CSMD1: variants seen among roughly 807,000 people sequenced by gnomAD.
CSMD1 encodes the protein CUB and Sushi multiple domains 1, also known as CUB and sushi domain-containing protein 1.
In CSMD1, 213 loss-of-function variants were observed where a neutral mutation model predicts 417.5. The ratio of observed to expected loss-of-function variants is 0.51; its 90% confidence interval spans 0.46 to 0.57. The LOEUF (loss-of-function observed/expected upper bound fraction) is 0.57. CSMD1 is among the 20% of genes least tolerant of loss of function. The pLI, the probability that CSMD1 is intolerant of heterozygous loss-of-function variation, is 0.00. For synonymous variants in CSMD1, 2,862 were observed against 1,736.8 expected (o/e 1.65, Z -16.11); for missense variants, 6,923 against 4,529.7 (o/e 1.53, Z -15.17).
chr8:3,508,671 G>C (rs1796936663), intron 10 of CSMD1, among the ~76,000 whole-genome samples: 1 of 152,000 alleles, frequency 6.6e-6, no homozygotes, highest in Non-Finnish European at 1.5e-5. Flanking sequence ...TGTACTTCCA[G>C]CTTATCTATT....
Position 4,620,631 on chromosome 8 carries a change from G to C in CSMD1, c.302+16711C>G, listed in dbSNP as rs114823645. On this transcript the variant is annotated intron_variant, in intron 2 of 69. Transcript: ENST00000635120. ...GACTGCTTGAAAAGCCCAAATATAT[G>C]AAATCATACAACATGCTTCTTAAAA... 7.9e-3 allele frequency among the ~76,000 whole-genome samples: 1,192 copies of C among 151,822 alleles called. 17 individuals are homozygous for C. Among genetic ancestry groups the C allele is most frequent in the African/African-American group, 0.028 (1,154 of 41,488 alleles).
chr8:3,080,551 C>A (rs1351660346), intron 49 of CSMD1, among the ~76,000 whole-genome samples: 1 of 152,186 alleles, frequency 6.6e-6, no homozygotes, highest in African/African-American at 2.4e-5. Context: ...TTTGCTGAAT[C>A]CAGAAGCTAA....
At chr8:3,970,153 G>A (rs888604371) in intron 5 of CSMD1, among the ~76,000 whole-genome samples, 7 of 152,082 alleles carry the variant, frequency 4.6e-5, no homozygotes, top group African/African-American at 1.7e-4. Flanking sequence ...ATCATTTTAT[G>A]TGACATTTGG....
Position 3,162,205 on chromosome 8 carries a change from A to C in CSMD1, c.5798T>G (p.Val1933Gly). Residue 1933 changes from valine (V) to glycine (G), a missense_variant, in exon 38 of 70, where the codon GTG becomes GGG. Val to Gly is a moderately radical substitution (Grantham distance 109). Transcript: ENST00000635120. Reference sequence around the variant, plus strand: ...GCACTGGAAGGAGAGCACGTCGTTCACCATGTACCGATCTCCGATTTTGAT... The same window carrying C: ...GCACTGGAAGGAGAGCACGTCGTTCCCCATGTACCGATCTCCGATTTTGAT... The part of the protein sequence containing the change: ...NSIKIGDRYM[V>G]NDVLSFQCEP... 1 of 1,611,334 alleles carries C rather than the reference A, an allele frequency of 6.2e-7. No individual in the cohort carries two copies. The highest frequency in any genetic ancestry group is 8.5e-7 in the Non-Finnish European group (1 of 1,178,874).
In CSMD1 at chr8:3,350,727, A is replaced by G. The variant is rs926002715; in HGVS notation, c.3305-2566T>C. ...GACATTAGCTATATAATCATTTCTC[A>G]TAATACATAAAAAAGGTGGGACAAG... On this transcript the variant is annotated intron_variant, in intron 21 of 69. Coordinates refer to ENST00000635120, the MANE Select transcript of CSMD1 (RefSeq NM_033225.6). Among the ~76,000 whole-genome samples, 7 of 152,326 alleles carry G rather than the reference A, an allele frequency of 4.6e-5. No homozygotes were observed. In the East Asian group the frequency reaches 1.3e-3, roughly 29 times the overall value.
intron 33 of CSMD1, among the ~76,000 whole-genome samples, chr8:3,191,349 G>C (rs948494880): frequency 6.6e-6 from 1 of 152,102 alleles, no homozygotes; most frequent in Non-Finnish European, 1.5e-5. Flanking sequence ...CCAGCTGCTC[G>C]GGAGTCTGAG....
chr8:2,960,041 G>T (rs138493357), intron 62 of CSMD1, among the ~76,000 whole-genome samples: 2 of 152,166 alleles, frequency 1.3e-5, no homozygotes, highest in South Asian at 4.1e-4. Flanking sequence ...AGTCATCATT[G>T]ACTTTTAATT....
At chr8:4,459,105 T>A (rs887140432) in intron 2 of CSMD1, among the ~76,000 whole-genome samples, 6 of 152,166 alleles carry the variant, frequency 3.9e-5, no homozygotes, top group African/African-American at 1.4e-4. Flanking sequence ...AGGGTACGCT[T>A]CTAACCAGGA....
intron 51 of CSMD1, among the ~76,000 whole-genome samples, chr8:3,028,523 T>G: frequency 6.6e-6 from 1 of 152,218 alleles, no homozygotes; most frequent in East Asian, 1.9e-4. Context: ...ATGAAAGCTT[T>G]GAGCTCCCTG....
At chr8:3,701,758 C>A (rs1800884495) in intron 7 of CSMD1, among the ~76,000 whole-genome samples, 1 of 152,098 alleles carries the variant, frequency 6.6e-6, no homozygotes, top group Non-Finnish European at 1.5e-5. Flanking sequence ...TAAGTATATA[C>A]AGTAATTGAG....
At position 3,493,720 on chromosome 8, in the gene CSMD1, T is replaced by C. The variant is rs1796234663; in HGVS notation, c.1351A>G (p.Lys451Glu). The change falls in exon 11 of 70, where the codon AAG becomes GAG. Residue 451 changes from lysine to glutamate, a missense_variant. Coordinates refer to ENST00000635120, the MANE Select transcript of CSMD1 (RefSeq NM_033225.6). ...AGCTCAAACTCTTCAAAGGCAAGCT[T>C]GATGACCTAAATACAAGGTACGAAA... ...ITTTDPDKVI[K>E]LAFEEFELER... is the part of the protein sequence containing the mutation. 1 of 1,609,438 alleles carries C rather than the reference T, an allele frequency of 6.2e-7. No individual in the cohort carries two copies. The highest frequency in any genetic ancestry group is 1.3e-5 in the African/African-American group (1 of 74,896).
At chr8:3,284,481 A>G (rs1335836550) in intron 25 of CSMD1, 135 bp from the exon 26 acceptor site, 4 of 663,244 alleles carry the variant, frequency 6.0e-6, no homozygotes, top group Admixed American at 2.4e-5. Context: ...CTGTCTGACA[A>G]TGAAGGATGA....
intron 1 of CSMD1, among the ~76,000 whole-genome samples, chr8:4,809,609 C>G (rs562630274): frequency 6.6e-6 from 1 of 152,280 alleles, no homozygotes; most frequent in South Asian, 2.1e-4. Flanking sequence ...AAGCTGTGCT[C>G]TCCAGTAGAA....
rs1490145321 is a variant in CSMD1 at position 4,912,136 on chromosome 8, A to AG, written c.85+82195_85+82196insC. On this transcript the variant is annotated intron_variant, in intron 1 of 69. Coordinates refer to ENST00000635120, the MANE Select transcript of CSMD1 (RefSeq NM_033225.6). ...CAACATAGCTTCAAAAAAAAAAAAA[A>AG]AAAAAGAAAGAAAGAAAAGAAAAGA... Among the ~76,000 whole-genome samples, 691 of 88,250 alleles carry AG rather than the reference A, an allele frequency of 7.8e-3. 2 individuals carry two copies. The highest frequency in any genetic ancestry group is 0.015 in the Non-Finnish European group (502 of 34,498). 57.9% of individuals were successfully genotyped at this position (88,250 alleles called of 152,430 possible). A position where few individuals can be genotyped will look rare whatever the true frequency, so the allele number is the denominator to read the frequency against.
intron 7 of CSMD1, among the ~76,000 whole-genome samples, chr8:3,678,720 C>A (rs191432818): frequency 2.6e-5 from 4 of 152,042 alleles, no homozygotes; most frequent in Non-Finnish European, 5.9e-5. Flanking sequence ...AGAGCAACTC[C>A]AAGACACATA....
chr8:3,481,983 G>T (rs530163908), intron 11 of CSMD1, among the ~76,000 whole-genome samples: 1 of 152,260 alleles, frequency 6.6e-6, no homozygotes, highest in East Asian at 1.9e-4. Context: ...ACTGTTATAA[G>T]TCACATATGT....
At chr8:4,488,304 G>A (rs947977990) in intron 2 of CSMD1, among the ~76,000 whole-genome samples, 6 of 152,166 alleles carry the variant, frequency 3.9e-5, no homozygotes, top group Non-Finnish European at 7.4e-5. Flanking sequence ...TATAACCACA[G>A]GAGTAGTTAA....
Position 4,814,620 on chromosome 8 carries a change from T to A in CSMD1, c.86-177062A>T, listed in dbSNP as rs1337716451. ...TAATAAAGCTATATTTTAATTAGTA[T>A]TGATCAAGGGTCTTCATGTGCTGTA... On this transcript the variant is annotated intron_variant, in intron 1 of 69. Transcript: ENST00000635120. Among the ~76,000 whole-genome samples the A allele has an allele frequency of 3.9e-5, 6 of 152,288 alleles. No homozygotes were observed. The East Asian group carries it at 5.8e-4, about 15-fold the overall frequency.
chr8:3,124,150 G>T (rs368153462), intron 41 of CSMD1, among the ~76,000 whole-genome samples: 16 of 152,148 alleles, frequency 1.1e-4, no homozygotes, highest in African/African-American at 1.9e-4. Flanking sequence ...GTGTGGGGAG[G>T]GGGGAGCAGA....
Sources: gnomAD v4.1 joint callset for allele counts (sites outside exome capture counted in the v4.1 genomes callset) on GRCh38, gnomAD v4.1.1 for gene constraint, MANE v1.5 for transcripts, NCBI Gene and HGNC (gene_info 2026-07-23, HGNC 2026-07-21) for gene names.